MTMR9: variants seen among roughly 807,000 people sequenced by gnomAD.
The protein encoded by MTMR9 is myotubularin-related protein 9.
In MTMR9, 39 loss-of-function variants were observed where a neutral mutation model predicts 69.5. The ratio of observed to expected loss-of-function variants is 0.56; its 90% CI spans 0.43 to 0.73. The LOEUF is 0.73. MTMR9 is among the 30% of genes least tolerant of loss of function. MTMR9 has a pLI of 0.00. For synonymous variants in MTMR9, 354 were observed against 240.8 expected, an observed-to-expected ratio of 1.47 and a Z score of -4.35; for missense variants, 900 against 671.2, an observed-to-expected ratio of 1.34 and a Z score of -3.77.
chr8:11,285,549 A>G (rs1252675831), intron 1 of MTMR9, among the ~76,000 whole-genome samples: 1 of 152,182 alleles, frequency 6.6e-6, no homozygotes, highest in Non-Finnish European at 1.5e-5. Context: ...TCAGTGTATC[A>G]TATTATTTCT....
Position 11,284,824 on chromosome 8 carries a change from C to A in MTMR9, c.-65C>A, listed in dbSNP as rs542828414. On this transcript the variant is annotated 5_prime_UTR_variant, in exon 1 of 10. Coordinates refer to ENST00000221086, the MANE Select transcript of MTMR9 (RefSeq NM_015458.4). ...CCGCGCCGGGTGTTTCCGCTACTTC[C>A]CTGCGGCGGGGTAACCGCCTCGCAC... 3.4e-6 allele frequency: 5 copies of A among 1,457,442 alleles called. No individual in the cohort carries two copies. Among genetic ancestry groups the A allele is most frequent in the Non-Finnish European group, 3.7e-6 (4 of 1,081,444 alleles). 90.3% of individuals were successfully genotyped at this position (1,457,442 alleles called of 1,614,324 possible).
Position 11,322,652 on chromosome 8 carries a change from C to T in MTMR9, c.1514C>T (p.Ser505Phe), listed in dbSNP as rs181568173. Reference sequence around the variant, plus strand: ...ATTTTCCTACGTTGGAATAGATCCTCTAAGTATTTGGATGAAGCATATGAA... The same window carrying T: ...ATTTTCCTACGTTGGAATAGATCCTTTAAGTATTTGGATGAAGCATATGAA... Reference protein sequence around the residue: ...EGIFLRWNRSSKYLDEAYEEM... With the variant: ...EGIFLRWNRSFKYLDEAYEEM... The change falls in exon 10 of 10, where the codon TCT becomes TTT. Residue 505 changes from serine (S) to phenylalanine (F), a missense_variant. Physicochemically the swap from Ser to Phe is radical, Grantham distance 155. Transcript: ENST00000221086. The T allele has an allele frequency of 1.2e-6, 2 of 1,613,752 alleles. No homozygotes were observed. Among genetic ancestry groups the T allele is most frequent in the Admixed American group, 1.7e-5 (1 of 59,996 alleles).
intron 2 of MTMR9, among the ~76,000 whole-genome samples, 167 bp from the exon 3 acceptor site, chr8:11,299,855 CA>C (rs1799690089): frequency 6.6e-6 from 1 of 152,106 alleles, no homozygotes; most frequent in Admixed American, 6.5e-5. Context: ...GCAAAGAAAT[CA>C]GCTTCAGTAA....
Position 11,322,813 on chromosome 8 carries a change from G to C in MTMR9, c.*25G>C, listed in dbSNP as rs752174165. The C allele has an allele frequency of 6.2e-7, 1 of 1,600,082 alleles. No individual in the cohort carries two copies. The highest frequency in any genetic ancestry group is 8.5e-7 in the Non-Finnish European group (1 of 1,172,874). On this transcript the variant is annotated 3_prime_UTR_variant, in exon 10 of 10. Transcript: ENST00000221086. Reference sequence around the variant, plus strand: ...AAAGGTCTCCTCGCACCCTTCGCAAGGACCTTCTTGGGCCTGTGTCCGCCG... The same window carrying C: ...AAAGGTCTCCTCGCACCCTTCGCAACGACCTTCTTGGGCCTGTGTCCGCCG...
intron 5 of MTMR9, among the ~76,000 whole-genome samples, chr8:11,308,930 C>A (rs973600305): frequency 1.3e-5 from 2 of 152,198 alleles, no homozygotes; most frequent in African/African-American, 2.4e-5. Context: ...GCAGGTAGAT[C>A]AGCAGTTGCT....
rs922175126 is a variant in MTMR9, at chr8:11,327,827, T to C, written c.*5039T>C. ...GTGAACCTGTGTACGCACACACACA[T>C]ATACATACAGTCTTAGGGAAAAAAA... is the stretch of plus-strand genomic sequence containing the variant. On this transcript the variant is annotated 3_prime_UTR_variant, in exon 10 of 10. Transcript: ENST00000221086. The C allele has an allele frequency of 2.6e-5, 4 of 152,532 alleles. No homozygotes were observed. The highest frequency in any genetic ancestry group is 4.4e-5 in the Non-Finnish European group (3 of 68,018). 9.4% of individuals were successfully genotyped at this position (152,532 alleles called of 1,614,324 possible).
intron 9 of MTMR9, chr8:11,320,094 A>G (rs963488441): frequency 5.1e-6 from 2 of 389,028 alleles, no homozygotes; most frequent in Non-Finnish European, 9.2e-6. Flanking sequence ...ATTTTTCTAG[A>G]TAAGAAAGTA....
chr8:11,306,434 C>T (rs372028999), intron 5 of MTMR9, 27 bp downstream of exon 5: 9 of 1,597,592 alleles, frequency 5.6e-6, no homozygotes, highest in Non-Finnish European at 7.7e-6. Context: ...ATAGTACAGA[C>T]TCTTATTAGA....
intron 5 of MTMR9, among the ~76,000 whole-genome samples, chr8:11,308,810 G>A (rs1050061046): frequency 6.6e-6 from 1 of 152,142 alleles, no homozygotes; most frequent in African/African-American, 2.4e-5. Context: ...GCCAGCCTTT[G>A]TGTTTGATAG....
chr8:11,291,994 A>G (rs917509994), intron 1 of MTMR9, among the ~76,000 whole-genome samples: 1 of 152,152 alleles, frequency 6.6e-6, no homozygotes, highest in African/African-American at 2.4e-5. Context: ...TAAGTTCAAG[A>G]TAATGAATTT....
rs1449300005 is a variant in MTMR9, at chr8:11,326,613, C to T, written c.*3825C>T. 3.3e-5 allele frequency: 5 copies of T among 152,156 alleles called. No homozygotes were observed. Among genetic ancestry groups the T allele is most frequent in the Admixed American group, 6.6e-5 (1 of 15,234 alleles). 9.4% of individuals were successfully genotyped at this position (152,156 alleles called of 1,614,324 possible). A position where few individuals can be genotyped will look rare whatever the true frequency, so the allele number is the denominator to read the frequency against. On this transcript the variant is annotated 3_prime_UTR_variant, in exon 10 of 10. Coordinates refer to ENST00000221086, the MANE Select transcript of MTMR9 (RefSeq NM_015458.4). ...CTTTCACATGGGCTAGGCCTGTTCT[C>T]CTCCTCCAGACCTAGTATTCTAAGT...
At chr8:11,320,688 A>G (rs1800642873) in intron 9 of MTMR9, 1 of 152,228 alleles carries the variant, frequency 6.6e-6, no homozygotes, top group African/African-American at 2.4e-5. Context: ...AGCAGAGATG[A>G]TGCTACTGCA....
intron 4 of MTMR9, 64 bp from the exon 5 acceptor site, chr8:11,306,122 ATTTC>A: frequency 7.3e-7 from 1 of 1,371,230 alleles, no homozygotes; most frequent in African/African-American, 1.4e-5. Context: ...AATCTAGCTA[ATTTC>A]TTTCTGTTTT....
Position 11,308,344 on chromosome 8 carries a change from A to G in MTMR9, c.810-1183A>G, listed in dbSNP as rs117955622. 2.7e-3 allele frequency among the ~76,000 whole-genome samples: 416 copies of G among 152,304 alleles called. 5 individuals are homozygous for G. Among genetic ancestry groups the G allele is most frequent in the Non-Finnish European group, 3.4e-3 (228 of 68,018 alleles). On this transcript the variant is annotated intron_variant, in intron 5 of 9. Coordinates refer to ENST00000221086, the MANE Select transcript of MTMR9 (RefSeq NM_015458.4). ...CAACTTTTTCAAACATCAATTTACC[A>G]TAAATGCATGGATTTATTTCTGGGT...
chr8:11,286,119 AT>A (rs1384906218), intron 1 of MTMR9, among the ~76,000 whole-genome samples: 2 of 151,408 alleles, frequency 1.3e-5, no homozygotes, highest in African/African-American at 2.4e-5. Context: ...CACCCGGCTA[AT>A]TTTTGTATTT....
At position 11,323,143 on chromosome 8, in the gene MTMR9, A is replaced by G. The variant is rs558992899; in HGVS notation, c.*355A>G. 22 of 164,212 alleles carry G rather than the reference A, an allele frequency of 1.3e-4. No individual in the cohort carries two copies. The highest frequency in any genetic ancestry group is 2.1e-4 in the Non-Finnish European group (16 of 76,278). The allele number at this position is 164,212 out of a possible 1,614,324, so 10.2% of individuals were successfully genotyped here. A position where few individuals can be genotyped will look rare whatever the true frequency, so the allele number is the denominator to read the frequency against. On this transcript the variant is annotated 3_prime_UTR_variant, in exon 10 of 10. Coordinates refer to ENST00000221086, the MANE Select transcript of MTMR9 (RefSeq NM_015458.4). ...ACAGCATTCTAGAGCAGTCAAGGAG[A>G]CAGCTAATCTCTCTAGGGACTATTT...
At chr8:11,311,983 C>T (rs1463080007) in intron 6 of MTMR9, among the ~76,000 whole-genome samples, 1 of 151,484 alleles carries the variant, frequency 6.6e-6, no homozygotes, top group African/African-American at 2.4e-5. Flanking sequence ...TAAGAAGCAA[C>T]TCCTTATTTC....
rs1252362152 is a variant in MTMR9 at position 11,326,122 on chromosome 8, G to T, written c.*3334G>T. 6.6e-6 allele frequency: 1 copy of T among 152,154 alleles called. No individual in the cohort carries two copies. The highest frequency in any genetic ancestry group is 1.5e-5 in the Non-Finnish European group (1 of 68,026). The allele number at this position is 152,154 out of a possible 1,614,324, so 9.4% of individuals were successfully genotyped here. A position where few individuals can be genotyped will look rare whatever the true frequency, so the allele number is the denominator to read the frequency against. Reference sequence around the variant, plus strand: ...ATGGAAAAGATATGACCATAATTTAGTCTCCTCAAGTGAAAAACAGGAGTA... The same window carrying T: ...ATGGAAAAGATATGACCATAATTTATTCTCCTCAAGTGAAAAACAGGAGTA... On this transcript the variant is annotated 3_prime_UTR_variant, in exon 10 of 10. Transcript: ENST00000221086.
At chr8:11,290,901 C>T (rs1201769618) in intron 1 of MTMR9, among the ~76,000 whole-genome samples, 13 of 136,164 alleles carry the variant, frequency 9.5e-5, no homozygotes, top group African/African-American at 2.2e-4. Context: ...AACTATGTTT[C>T]GACCTTTATG....
Sources: allele counts gnomAD v4.1 joint callset (sites outside exome capture counted in the v4.1 genomes callset), GRCh38; gene constraint gnomAD v4.1.1; transcripts MANE v1.5; gene names NCBI Gene and HGNC (gene_info 2026-07-23, HGNC 2026-07-21).